TOP2B: variants seen among roughly 807,000 people sequenced by gnomAD.
TOP2B encodes the protein DNA topoisomerase II beta, also known as DNA topoisomerase 2-beta.
TOP2B carries 51 observed loss-of-function variants against 193.5 expected under a neutral mutation model. That is an observed-to-expected ratio of 0.26 (90% CI 0.21 to 0.33). TOP2B has a LOEUF of 0.33. Ranked by LOEUF, TOP2B falls within the 10% of genes least tolerant of loss-of-function variation. TOP2B has a pLI of 1.00. For missense variants in TOP2B, 1,378 were observed against 1,909.3 expected, an observed-to-expected ratio of 0.72 and a Z score of 5.19; for synonymous variants, 634 against 635.7, an observed-to-expected ratio of 1.00 and a Z score of 0.04.
rs901350316 is a variant in TOP2B at position 25,601,318 on chromosome 3, T to C, written c.4490-93A>G. The C allele has an allele frequency of 3.5e-6, 5 of 1,432,090 alleles. No individual in the cohort carries two copies. In the African/African-American group the frequency reaches 5.8e-5, roughly 17 times the overall value. The allele number at this position is 1,432,090 out of a possible 1,614,324, so 88.7% of individuals were successfully genotyped here. A position where few individuals can be genotyped will look rare whatever the true frequency, so the allele number is the denominator to read the frequency against. ...TATAAATGGAATTTCTTATAGCTGA[T>C]TAGAAACTGAGTTGCCTGGCTGGGC... is the stretch of plus-strand genomic sequence containing the variant. On this transcript the variant is annotated intron_variant, in intron 33 of 35. Transcript: ENST00000264331.
intron 35 of TOP2B, 57 bp downstream of exon 35, chr3:25,599,378 C>G: frequency 6.5e-7 from 1 of 1,542,358 alleles, no homozygotes; most frequent in Middle Eastern, 1.7e-4. Flanking sequence ...AACTAAGTCA[C>G]TTACAGATCT....
chr3:25,605,988 C>T, intron 32 of TOP2B, 55 bp downstream of exon 32: 2 of 1,007,760 alleles, frequency 2.0e-6, no homozygotes, highest in Non-Finnish European at 2.7e-6. Context: ...ACTGTTTTCT[C>T]TCCACCACTA....
At chr3:25,657,736 T>C (rs996133285) in intron 1 of TOP2B, among the ~76,000 whole-genome samples, 3 of 152,144 alleles carry the variant, frequency 2.0e-5, no homozygotes, top group Non-Finnish European at 2.9e-5. Context: ...GTACTCCACA[T>C]TGAATAAAAA....
intron 1 of TOP2B, among the ~76,000 whole-genome samples, chr3:25,650,608 T>C (rs1280829612): frequency 2.6e-5 from 4 of 152,246 alleles, no homozygotes; most frequent in Non-Finnish European, 5.9e-5. Flanking sequence ...GAATCTTTAA[T>C]TTTTCATATA....
intron 19 of TOP2B, 62 bp from the exon 20 acceptor site, chr3:25,624,507 CA>C: frequency 6.4e-7 from 1 of 1,565,078 alleles, no homozygotes; most frequent in Non-Finnish European, 8.6e-7. Flanking sequence ...AATTACTCCC[CA>C]ACTTGAATTA....
intron 1 of TOP2B, among the ~76,000 whole-genome samples, chr3:25,652,467 T>C (rs1703620115): frequency 6.6e-6 from 1 of 152,120 alleles, no homozygotes; most frequent in Non-Finnish European, 1.5e-5. Context: ...TATAATCATA[T>C]AAGGTATATT....
At chr3:25,599,380 T>TA (rs1205381398) in intron 35 of TOP2B, 55 bp downstream of exon 35, 1 of 1,549,502 alleles carries the variant, frequency 6.5e-7, no homozygotes, top group Non-Finnish European at 8.8e-7. Flanking sequence ...CTAAGTCACT[T>TA]ACAGATCTTT....
At chr3:25,652,199 GGA>G (rs1703611567) in intron 1 of TOP2B, among the ~76,000 whole-genome samples, 2 of 152,274 alleles carry the variant, frequency 1.3e-5, no homozygotes, top group South Asian at 4.1e-4. Flanking sequence ...AGAAGTGAAG[GGA>G]GAGAGAGACC....
chr3:25,638,015 T>C (rs1703151781), intron 5 of TOP2B, 150 bp downstream of exon 5: 2 of 790,778 alleles, frequency 2.5e-6, no homozygotes, highest in South Asian at 1.9e-5. Flanking sequence ...TGTTAAACTA[T>C]TACCAAGACA....
intron 23 of TOP2B, 107 bp from the exon 24 acceptor site, chr3:25,618,956 A>G: frequency 1.2e-6 from 1 of 817,054 alleles, no homozygotes; most frequent in South Asian, 2.8e-5. Flanking sequence ...ACCATAATGC[A>G]TGTGTGTGAA....
In TOP2B at chr3:25,630,866, T is replaced by G; in HGVS notation, c.1340A>C (p.Lys447Thr). The G allele has an allele frequency of 6.2e-7, 1 of 1,606,110 alleles. No individual in the cohort carries two copies. Among genetic ancestry groups the G allele is most frequent in the Non-Finnish European group, 8.5e-7 (1 of 1,176,596 alleles). Residue 447 changes from lysine to threonine, a missense_variant, in exon 11 of 36, where the codon AAG (lysine) becomes ACG (threonine). By Grantham distance (78) the Lys-to-Thr change is moderately conservative. Coordinates refer to ENST00000264331, the MANE Select transcript of TOP2B (RefSeq NM_001330700.2). ...TTTACTGTATTTTACTGATGAACACTTCTTATTCAGCTGAGTCTGAGCCTT... is the reference window on the plus strand; with the variant it reads ...TTTACTGTATTTTACTGATGAACACGTCTTATTCAGCTGAGTCTGAGCCTT... Reference protein sequence around the residue: ...KFKAQTQLNKKCSSVKYSKIK... With the variant: ...KFKAQTQLNKTCSSVKYSKIK...
In TOP2B at chr3:25,624,180, T is replaced by C. The variant is rs1214410942; in HGVS notation, c.2495+117A>G. ...GGTCAAATAATTTGGAACATTCACC[T>C]TCTAAGTAGAATAACCAGATAATCA... On this transcript the variant is annotated intron_variant, in intron 20 of 35. Transcript: ENST00000264331. 4 of 1,257,270 alleles carry C rather than the reference T, an allele frequency of 3.2e-6. No individual in the cohort carries two copies. The African/African-American group carries it at 4.5e-5, about 14-fold the overall frequency. The allele number at this position is 1,257,270 out of a possible 1,614,324, so 77.9% of individuals were successfully genotyped here.
At chr3:25,629,398 TA>T (rs1702895460) in intron 13 of TOP2B, among the ~76,000 whole-genome samples, 2 of 152,090 alleles carry the variant, frequency 1.3e-5, no homozygotes, top group Non-Finnish European at 2.9e-5. Context: ...CAGATTTCAC[TA>T]AAAGAATGAT....
chr3:25,638,271 G>C lies in TOP2B; in HGVS notation c.435C>G (p.Gly145=). 7.6e-7 allele frequency: 1 copy of C among 1,311,686 alleles called. No homozygotes were observed. The highest frequency in any genetic ancestry group is 9.9e-7 in the Non-Finnish European group (1 of 1,006,196). The allele number at this position is 1,311,686 out of a possible 1,614,324, so 81.3% of individuals were successfully genotyped here. Residue 145 remains glycine, a synonymous_variant, in exon 5 of 36, where the codon GGC becomes GGG. Coordinates refer to ENST00000264331, the MANE Select transcript of TOP2B (RefSeq NM_001330700.2). The part of the protein sequence containing the change: ...NIISIWNNGK[G]IPVVEHKVEK... ...CTACCTTGTGTTCTACTACTGGAAT[G>C]CCTTTCCCATTATTCCAAATGCTTA...
In TOP2B at chr3:25,620,054, T is replaced by C. The variant is rs372330164; in HGVS notation, c.2871A>G (p.Lys957=). 441 of 1,494,546 alleles carry C rather than the reference T, an allele frequency of 3.0e-4. No individual in the cohort carries two copies. The highest frequency in any genetic ancestry group is 3.8e-4 in the Non-Finnish European group (419 of 1,106,268). 92.6% of individuals were successfully genotyped at this position (1,494,546 alleles called of 1,614,324 possible). A position where few individuals can be genotyped will look rare whatever the true frequency, so the allele number is the denominator to read the frequency against. Residue 957 remains lysine, a synonymous_variant, in exon 23 of 36, where the codon AAA becomes AAG. Transcript: ENST00000264331. ...TTAGCATAGGTTCTAAAACCTGTTC[T>C]TTATATACCTATAAAGATTTAAAAA... is the stretch of plus-strand genomic sequence containing the variant. ...LPVRTWTQVY[K]EQVLEPMLNG... is the part of the protein sequence containing the mutation.
At chr3:25,658,637 A>C (rs1703819646) in intron 1 of TOP2B, among the ~76,000 whole-genome samples, 1 of 152,148 alleles carries the variant, frequency 6.6e-6, no homozygotes, top group Admixed American at 6.5e-5. Flanking sequence ...AAAAATACCA[A>C]AATAACTATA....
intron 1 of TOP2B, among the ~76,000 whole-genome samples, chr3:25,650,710 A>G (rs2125403108): frequency 6.6e-6 from 1 of 152,348 alleles, no homozygotes; most frequent in Non-Finnish European, 1.5e-5. Flanking sequence ...GGGCATGAAC[A>G]TGATTAATCT....
chr3:25,618,884 G>A (rs1355998027), intron 23 of TOP2B, 35 bp from the exon 24 acceptor site: 6 of 1,464,350 alleles, frequency 4.1e-6, no homozygotes, highest in Non-Finnish European at 5.5e-6. Flanking sequence ...AGATCATATA[G>A]ATCTGTACTG....
chr3:25,623,461 T>C (rs1702715869), intron 21 of TOP2B, 54 bp downstream of exon 21: 9 of 1,491,898 alleles, frequency 6.0e-6, no homozygotes, highest in Non-Finnish European at 8.3e-6. Context: ...TGACGGGAAT[T>C]TGTAGTTTAC....
Sources: gnomAD v4.1 joint callset for allele counts (sites outside exome capture counted in the v4.1 genomes callset) on GRCh38, gnomAD v4.1.1 for gene constraint, MANE v1.5 for transcripts, NCBI Gene and HGNC (gene_info 2026-07-23, HGNC 2026-07-21) for gene names.